GMDS: variants seen among roughly 807,000 people sequenced by gnomAD.
The protein encoded by GMDS is GDP-mannose 4,6-dehydratase, also known as GDP-mannose 4,6 dehydratase.
Under a neutral mutation model 49.9 loss-of-function variants are expected in GMDS, and 20 were observed. That is an observed-to-expected ratio of 0.40 (90% CI 0.28 to 0.58). The LOEUF is 0.58. Among genes scored for constraint, GMDS ranks in the 20% least tolerant of loss-of-function variants. GMDS has a pLI of 0.42. For synonymous variants in GMDS, 177 were observed against 178.6 expected (o/e 0.99, Z 0.07); for missense variants, 362 against 481.4 (o/e 0.75, Z 2.32).
intron 1 of GMDS, among the ~76,000 whole-genome samples, chr6:2,135,534 G>A (rs555145456): frequency 3.8e-4 from 57 of 150,904 alleles, no homozygotes; most frequent in African/African-American, 1.3e-3. Flanking sequence ...AGAATAAGAT[G>A]CATTTCCTAC....
At chr6:1,738,098 C>A (rs1474762090) in intron 8 of GMDS, among the ~76,000 whole-genome samples, 1 of 144,886 alleles carries the variant, frequency 6.9e-6, no homozygotes, top group Non-Finnish European at 1.5e-5. Context: ...CACATACACA[C>A]CACACATATA....
intron 1 of GMDS, among the ~76,000 whole-genome samples, chr6:2,141,152 A>C (rs1776266183): frequency 6.6e-6 from 1 of 152,244 alleles, no homozygotes; most frequent in South Asian, 2.1e-4. Flanking sequence ...ACGGTTCAAT[A>C]AAAGTCAAAG....
chr6:2,196,303 T>C (rs1028267496), intron 1 of GMDS, among the ~76,000 whole-genome samples: 1 of 152,260 alleles, frequency 6.6e-6, no homozygotes, highest in African/African-American at 2.4e-5. Context: ...AAACACCTAG[T>C]GCTATGCACA....
intron 6 of GMDS, chr6:1,948,993 C>G: frequency 2.7e-6 from 2 of 734,328 alleles, no homozygotes; most frequent in Non-Finnish European, 1.7e-6. Flanking sequence ...ACATTTCTCA[C>G]TGTCCTCTTA....
chr6:2,116,573 C>A (rs1774862494), intron 3 of GMDS, among the ~76,000 whole-genome samples: 1 of 152,204 alleles, frequency 6.6e-6, no homozygotes, highest in Non-Finnish European at 1.5e-5. Flanking sequence ...AAAGACAACA[C>A]ACTTCATGAC....
rs191077114 is a variant in GMDS at position 2,005,160 on chromosome 6, C to A, written c.346-44194G>T. Reference sequence around the variant, plus strand: ...GTGGAACTTTTTTCAGAGACTGTTACTGTGAGTTTTAATAAGGCTTGTGTC... The same window carrying A: ...GTGGAACTTTTTTCAGAGACTGTTAATGTGAGTTTTAATAAGGCTTGTGTC... On this transcript the variant is annotated intron_variant, in intron 4 of 10. Coordinates refer to ENST00000380815, the MANE Select transcript of GMDS (RefSeq NM_001500.4). Among the ~76,000 whole-genome samples, 6 of 152,236 alleles carry A rather than the reference C, an allele frequency of 3.9e-5. No homozygotes were observed. The East Asian group carries it at 1.2e-3, about 29-fold the overall frequency.
intron 7 of GMDS, among the ~76,000 whole-genome samples, chr6:1,768,663 T>C (rs941903920): frequency 2.0e-5 from 3 of 152,252 alleles, no homozygotes; most frequent in Admixed American, 6.5e-5. Flanking sequence ...GACATGCTCA[T>C]TGGAGCATTT....
At chr6:1,856,819 G>A (rs1725671163) in intron 7 of GMDS, among the ~76,000 whole-genome samples, 1 of 152,242 alleles carries the variant, frequency 6.6e-6, no homozygotes, top group Admixed American at 6.5e-5. Context: ...ACAGGGCCAT[G>A]TGGATGTGAA....
intron 4 of GMDS, among the ~76,000 whole-genome samples, chr6:1,993,437 A>G (rs576838953): frequency 6.6e-6 from 1 of 152,346 alleles, no homozygotes; most frequent in East Asian, 1.9e-4. Flanking sequence ...ATTATTCCAC[A>G]TGTGTATGGA....
At chr6:1,668,379 T>A (rs925128253) in intron 9 of GMDS, among the ~76,000 whole-genome samples, 2 of 152,156 alleles carry the variant, frequency 1.3e-5, no homozygotes, top group African/African-American at 4.8e-5. Flanking sequence ...TTATAAACTG[T>A]AGATTATAAA....
intron 4 of GMDS, among the ~76,000 whole-genome samples, chr6:2,101,614 C>T (rs896615170): frequency 7.3e-5 from 11 of 151,688 alleles, no homozygotes; most frequent in Non-Finnish European, 5.9e-5. Flanking sequence ...TCAAGAAAGA[C>T]GAAATATGAG....
At chr6:1,954,935 G>T (rs777717077) in intron 6 of GMDS, among the ~76,000 whole-genome samples, 1 of 152,026 alleles carries the variant, frequency 6.6e-6, no homozygotes, top group Non-Finnish European at 1.5e-5. Flanking sequence ...TCTTTTATGG[G>T]TGCAGTTCAT....
chr6:2,027,318 G>C (rs1768664152), intron 4 of GMDS, among the ~76,000 whole-genome samples: 1 of 152,134 alleles, frequency 6.6e-6, no homozygotes, highest in African/African-American at 2.4e-5. Flanking sequence ...AAAAAAGGCA[G>C]CCAGATATAG....
chr6:1,806,439 AACACACACACACAC>A (rs34940754), intron 7 of GMDS, among the ~76,000 whole-genome samples: 2 of 146,112 alleles, frequency 1.4e-5, no homozygotes, highest in African/African-American at 5.1e-5. Context: ...AGCACATGGG[AACACACACACACAC>A]ACACACACAC....
chr6:1,925,551 T>C (rs2113914389), intron 7 of GMDS, among the ~76,000 whole-genome samples: 1 of 152,196 alleles, frequency 6.6e-6, no homozygotes, highest in East Asian at 1.9e-4. Context: ...AGAAACAATG[T>C]ACTTGCACAG....
intron 4 of GMDS, among the ~76,000 whole-genome samples, chr6:2,083,312 A>G (rs1772823749): frequency 1.3e-5 from 2 of 152,206 alleles, no homozygotes; most frequent in Admixed American, 6.5e-5. Flanking sequence ...AGACCATCCA[A>G]CAACAGCAAA....
chr6:2,079,241 C>T (rs1443344591), intron 4 of GMDS, among the ~76,000 whole-genome samples: 1 of 151,748 alleles, frequency 6.6e-6, no homozygotes, highest in Admixed American at 6.6e-5. Flanking sequence ...CAGGCTGTAG[C>T]TTCTAAGTGG....
intron 7 of GMDS, among the ~76,000 whole-genome samples, chr6:1,852,992 G>T (rs969883941): frequency 6.6e-6 from 1 of 151,842 alleles, no homozygotes; most frequent in East Asian, 2.0e-4. Flanking sequence ...TTGAGCCACC[G>T]CGCCTGCCTG....
chr6:1,908,885 G>A (rs1034688152), intron 7 of GMDS, among the ~76,000 whole-genome samples: 6 of 152,144 alleles, frequency 3.9e-5, no homozygotes, highest in African/African-American at 1.2e-4. Flanking sequence ...CCTGACTCAC[G>A]GCTGACCCTA....
Sources: gnomAD v4.1 joint callset for allele counts (sites outside exome capture counted in the v4.1 genomes callset) on GRCh38, gnomAD v4.1.1 for gene constraint, MANE v1.5 for transcripts, NCBI Gene and HGNC (gene_info 2026-07-23, HGNC 2026-07-21) for gene names.